The following SLC38A4 variants were observed in gnomAD, a reference collection of about 807,000 sequenced individuals.
The protein encoded by SLC38A4 is solute carrier family 38 member 4, also known as sodium-coupled neutral amino acid transporter 4.
Under a neutral mutation model 63.1 loss-of-function variants are expected in SLC38A4, and 20 were observed. The ratio of observed to expected loss-of-function variants is 0.32; its 90% confidence interval spans 0.22 to 0.46. The LOEUF (loss-of-function observed/expected upper bound fraction) is 0.46. Ranked by LOEUF, SLC38A4 falls within the 20% of genes least tolerant of loss-of-function variation. The pLI is 1.00. For synonymous variants in SLC38A4, 230 were observed against 225.5 expected, an observed-to-expected ratio of 1.02 and a Z score of -0.18; for missense variants, 526 against 663.6, an observed-to-expected ratio of 0.79 and a Z score of 2.28.
At chr12:46,822,811 T>C (rs1939577780) in intron 1 of SLC38A4, among the ~76,000 whole-genome samples, 2 of 152,190 alleles carry the variant, frequency 1.3e-5, no homozygotes, top group South Asian at 4.1e-4. Context: ...AGGTTGATCT[T>C]GACTACCAGA....
rs1311032019 is a variant in SLC38A4 at position 46,777,002 on chromosome 12, C to T, written c.1076G>A (p.Arg359Gln). ...CACCGTTTGCATTTTTCTCCGGGAC[C>T]GACTGGAAAAAGAAAGAACACCAAG... ...VLPIYSELKD[R>Q]SRRKMQTVSN... The change falls in exon 13 of 17, where the codon CGG (arginine) becomes CAG (glutamine). Residue 359 changes from arginine (R) to glutamine (Q), a missense_variant and splice_region_variant. Physicochemically the swap from Arg to Gln is conservative, Grantham distance 43. Transcript: ENST00000266579. 9 of 1,607,720 alleles carry T rather than the reference C, an allele frequency of 5.6e-6. No individual in the cohort carries two copies. Among genetic ancestry groups the T allele is most frequent in the African/African-American group, 1.3e-5 (1 of 74,356 alleles).
rs538105711 is a variant in SLC38A4, at chr12:46,816,162, A to G, written c.-305+9741T>C. ...AAAAATATGTTAGTGATAGGCACCA[A>G]TGAGATATTCTGCAAAATGGAAATG... On this transcript the variant is annotated intron_variant, in intron 1 of 16. Coordinates refer to ENST00000266579, the MANE Select transcript of SLC38A4 (RefSeq NM_018018.5). 5.5e-4 allele frequency among the ~76,000 whole-genome samples: 84 copies of G among 152,036 alleles called. 1 individual carries two copies. The highest frequency in any genetic ancestry group is 1.9e-3 in the African/African-American group (78 of 41,526).
At chr12:46,830,298 T>TCTCA (rs1180274940), upstream of SLC38A4, among the ~76,000 whole-genome samples, 364 of 148,402 alleles carry the variant, frequency 2.5e-3, 6 homozygotes, top group East Asian at 0.03. Flanking sequence ...TCTCTCTCTC[T>TCTCA]CACACACACA....
chr12:46,768,951 T>TA (rs1938355027), intron 15 of SLC38A4, among the ~76,000 whole-genome samples: 1 of 152,218 alleles, frequency 6.6e-6, no homozygotes, highest in Admixed American at 6.5e-5. Flanking sequence ...TTCTGGCAGG[T>TA]AAAATCTATC....
At chr12:46,783,318 A>T (rs536943559) in intron 7 of SLC38A4, among the ~76,000 whole-genome samples, 40 of 151,848 alleles carry the variant, frequency 2.6e-4, no homozygotes, top group Non-Finnish European at 5.4e-4. Flanking sequence ...GTTTAGAAAG[A>T]TTGAGCAGAA....
At chr12:46,772,505 C>T (rs1938440167) in intron 14 of SLC38A4, among the ~76,000 whole-genome samples, 1 of 152,012 alleles carries the variant, frequency 6.6e-6, no homozygotes, top group South Asian at 2.1e-4. Flanking sequence ...CTGAAAATGA[C>T]ATGATCAGTC....
chr12:46,830,816 T>A (rs1268495286), upstream of SLC38A4, among the ~76,000 whole-genome samples: 1 of 152,172 alleles, frequency 6.6e-6, no homozygotes. Flanking sequence ...GCATTTAATA[T>A]CTCCCTGAGA....
intron 1 of SLC38A4, chr12:46,824,461 C>T (rs1024671219): frequency 3.3e-5 from 5 of 152,108 alleles, no homozygotes; most frequent in African/African-American, 1.2e-4. Flanking sequence ...CTTCAAGTGC[C>T]CTCAAGTACC....
chr12:46,815,563 T>C (rs182340827), intron 1 of SLC38A4, among the ~76,000 whole-genome samples: 42 of 151,824 alleles, frequency 2.8e-4, no homozygotes, highest in Admixed American at 2.5e-3. Context: ...GCTAAATAAA[T>C]ATTAGTTGCT....
chr12:46,785,589 A>G (rs757832018), intron 5 of SLC38A4, among the ~76,000 whole-genome samples: 2 of 152,138 alleles, frequency 1.3e-5, no homozygotes, highest in Non-Finnish European at 2.9e-5. Context: ...TCTGAAATCT[A>G]GGAATCCAAA....
intron 12 of SLC38A4, 114 bp downstream of exon 12, chr12:46,778,175 G>A (rs1938568324): frequency 1.0e-6 from 1 of 957,994 alleles, no homozygotes; most frequent in Non-Finnish European, 1.6e-6. Flanking sequence ...AGTGGATGGA[G>A]TACATATTTT....
intron 2 of SLC38A4, among the ~76,000 whole-genome samples, chr12:46,798,444 A>T (rs1047086296): frequency 6.6e-6 from 1 of 151,342 alleles, no homozygotes; most frequent in Non-Finnish European, 1.5e-5. Flanking sequence ...TCCCTCCTCC[A>T]CTCCATCCTT....
upstream of SLC38A4, among the ~76,000 whole-genome samples, chr12:46,828,032 C>A (rs912439759): frequency 2.0e-5 from 3 of 152,120 alleles, no homozygotes; most frequent in Non-Finnish European, 2.9e-5. Flanking sequence ...CTGACCACAC[C>A]TCCCTCCCCA....
chr12:46,773,628 A>G (rs1203433423), intron 14 of SLC38A4, among the ~76,000 whole-genome samples: 1 of 151,904 alleles, frequency 6.6e-6, no homozygotes, highest in East Asian at 1.9e-4. Context: ...GGAGATTTGG[A>G]TTTTCCATGC....
chr12:46,789,271 A>T (rs144151529), intron 3 of SLC38A4, among the ~76,000 whole-genome samples: 2 of 151,560 alleles, frequency 1.3e-5, no homozygotes, highest in East Asian at 3.9e-4. Flanking sequence ...ATTCAGTGGT[A>T]GCTGTGTGTT....
At chr12:46,826,229 C>T (rs1287916760), upstream of SLC38A4, among the ~76,000 whole-genome samples, 2 of 152,114 alleles carry the variant, frequency 1.3e-5, no homozygotes, top group Admixed American at 1.3e-4. Flanking sequence ...AGTCCCTGCC[C>T]TTAGGAGTAT....
At chr12:46,797,397 G>C (rs1253188155) in intron 2 of SLC38A4, among the ~76,000 whole-genome samples, 1 of 152,116 alleles carries the variant, frequency 6.6e-6, no homozygotes, top group African/African-American at 2.4e-5. Flanking sequence ...CTCTGCTTGA[G>C]CTAGGACATC....
chr12:46,787,712 C>G (rs1938791925), intron 5 of SLC38A4, among the ~76,000 whole-genome samples: 1 of 152,156 alleles, frequency 6.6e-6, no homozygotes, highest in South Asian at 2.1e-4. Context: ...CAAAATTCTT[C>G]TGGCGAGGCT....
At chr12:46,826,881 A>T (rs544406800), upstream of SLC38A4, among the ~76,000 whole-genome samples, 2 of 152,364 alleles carry the variant, frequency 1.3e-5, no homozygotes, top group South Asian at 4.1e-4. Flanking sequence ...AAAGGCCTTT[A>T]GTAGGTCCAT....
Sources: gnomAD v4.1 joint callset for allele counts (sites outside exome capture counted in the v4.1 genomes callset) on GRCh38, gnomAD v4.1.1 for gene constraint, MANE v1.5 for transcripts, NCBI Gene and HGNC (gene_info 2026-07-23, HGNC 2026-07-21) for gene names.